The following SUGCT variants were observed in gnomAD, a reference collection of about 807,000 sequenced individuals.
SUGCT encodes the protein succinyl-CoA:glutarate CoA-transferase.
SUGCT carries 41 observed loss-of-function variants against 55.0 expected under a neutral mutation model. That is an observed-to-expected ratio of 0.74 (90% CI 0.58 to 0.97). SUGCT has a LOEUF of 0.97. SUGCT is among the 50% of genes least tolerant of loss of function. The pLI is 0.00. For missense variants in SUGCT, 568 were observed against 547.8 expected (o/e 1.04, Z -0.37); for synonymous variants, 187 against 200.4 (o/e 0.93, Z 0.56).
At chr7:40,739,591 G>C (rs866672535) in intron 12 of SUGCT, among the ~76,000 whole-genome samples, 2 of 151,922 alleles carry the variant, frequency 1.3e-5, no homozygotes, top group South Asian at 2.1e-4. Context: ...TTTACAATGT[G>C]AGCTTTATGT....
At chr7:40,567,124 C>T (rs374406067) in intron 12 of SUGCT, among the ~76,000 whole-genome samples, 3 of 152,130 alleles carry the variant, frequency 2.0e-5, no homozygotes, top group East Asian at 3.9e-4. Context: ...TTTGATCTGG[C>T]GTAATATATA....
intron 13 of SUGCT, among the ~76,000 whole-genome samples, chr7:40,789,844 A>G (rs1392763253): frequency 6.6e-6 from 1 of 152,152 alleles, no homozygotes; most frequent in Non-Finnish European, 1.5e-5. Context: ...CCTAAAACCC[A>G]GTGTGGTGAG....
chr7:40,821,399 T>A (rs1032497090), intron 13 of SUGCT, among the ~76,000 whole-genome samples: 2 of 152,106 alleles, frequency 1.3e-5, no homozygotes, highest in Non-Finnish European at 2.9e-5. Context: ...GGTCCTGGAC[T>A]TTTTTTGGTT....
At position 40,731,843 on chromosome 7, in the gene SUGCT, A is replaced by G. The variant is rs549791784; in HGVS notation, c.1090-17591A>G. Among the ~76,000 whole-genome samples the G allele has an allele frequency of 2.0e-5, 3 of 152,326 alleles. No individual in the cohort carries two copies. The South Asian group carries it at 6.2e-4, about 32-fold the overall frequency. On this transcript the variant is annotated intron_variant, in intron 12 of 13. Transcript: ENST00000335693. Reference sequence around the variant, plus strand: ...CCATCTAGTTGACTTCATCATGATTATGTGCTGCTCAAAATATTCCTTTCT... The same window carrying G: ...CCATCTAGTTGACTTCATCATGATTGTGTGCTGCTCAAAATATTCCTTTCT...
intron 9 of SUGCT, among the ~76,000 whole-genome samples, chr7:40,362,004 A>C (rs1408733565): frequency 1.3e-5 from 2 of 152,034 alleles, no homozygotes; most frequent in African/African-American, 2.4e-5. Flanking sequence ...AGGGGATCAC[A>C]ATATTTAAAT....
chr7:40,273,035 G>A (rs1349010601), intron 7 of SUGCT, among the ~76,000 whole-genome samples: 3 of 151,948 alleles, frequency 2.0e-5, no homozygotes, highest in Non-Finnish European at 4.4e-5. Context: ...TTGTTCAAGG[G>A]TCAATGTAAC....
intron 12 of SUGCT, among the ~76,000 whole-genome samples, chr7:40,559,476 A>G (rs1214076689): frequency 2.0e-5 from 3 of 152,228 alleles, no homozygotes; most frequent in African/African-American, 7.2e-5. Context: ...CAGTGGTTAC[A>G]ATTGTCCTAC....
At chr7:40,806,352 A>T (rs1276711110) in intron 13 of SUGCT, among the ~76,000 whole-genome samples, 3 of 152,236 alleles carry the variant, frequency 2.0e-5, no homozygotes, top group African/African-American at 7.2e-5. Context: ...TCATATTTAT[A>T]TGAATGTTTA....
rs373894613 is a variant in SUGCT, at chr7:40,629,918, G to A, written c.1090-119516G>A. On this transcript the variant is annotated intron_variant, in intron 12 of 13. Coordinates refer to ENST00000335693, the MANE Select transcript of SUGCT (RefSeq NM_001193313.2). ...GCAGAGTTGCAGTGAGAAGCTACAG[G>A]GTTTGAAAGGAGACATTCTAAATTT... Among the ~76,000 whole-genome samples, 5 of 152,086 alleles carry A rather than the reference G, an allele frequency of 3.3e-5. No homozygotes were observed. The East Asian group carries it at 9.7e-4, about 29-fold the overall frequency.
chr7:40,794,826 A>G (rs559122176), intron 13 of SUGCT, among the ~76,000 whole-genome samples: 1 of 152,286 alleles, frequency 6.6e-6, no homozygotes, highest in African/African-American at 2.4e-5. Flanking sequence ...TTAGTCCACC[A>G]TATTTCCATA....
intron 8 of SUGCT, among the ~76,000 whole-genome samples, chr7:40,282,320 T>G (rs191042453): frequency 6.6e-6 from 1 of 151,904 alleles, no homozygotes; most frequent in East Asian, 2.0e-4. Flanking sequence ...ATAAAAAAAT[T>G]AGCCGGGCAT....
At chr7:40,242,847 T>G (rs1789497573) in intron 7 of SUGCT, among the ~76,000 whole-genome samples, 3 of 141,764 alleles carry the variant, frequency 2.1e-5, no homozygotes, top group Admixed American at 7.5e-5. Flanking sequence ...GAACAGGCCC[T>G]TAGTAAACAA....
the SUGCT span, among the ~76,000 whole-genome samples, chr7:40,953,352 T>C: frequency 6.6e-6 from 1 of 152,174 alleles, no homozygotes; most frequent in East Asian, 1.9e-4. Context: ...TAGCCATTTG[T>C]CTCATCTTTT....
intron 1 of SUGCT, among the ~76,000 whole-genome samples, chr7:40,137,541 T>A (rs1035560644): frequency 6.6e-6 from 1 of 152,344 alleles, no homozygotes; most frequent in South Asian, 2.1e-4. Context: ...TAACTAAAGT[T>A]CACTAAAATT....
chr7:40,284,837 C>T (rs1165355333), intron 8 of SUGCT, among the ~76,000 whole-genome samples: 2 of 152,028 alleles, frequency 1.3e-5, no homozygotes, highest in African/African-American at 4.8e-5. Flanking sequence ...CAGATTTCTT[C>T]CAAAGAAGTA....
intron 12 of SUGCT, among the ~76,000 whole-genome samples, chr7:40,713,775 G>A (rs1385350494): frequency 1.3e-5 from 2 of 152,042 alleles, no homozygotes; most frequent in African/African-American, 4.8e-5. Flanking sequence ...AAAATTGTTT[G>A]GATTATTCCT....
chr7:40,484,482 C>A (rs368935073), intron 11 of SUGCT, among the ~76,000 whole-genome samples: 1 of 152,142 alleles, frequency 6.6e-6, no homozygotes, highest in Non-Finnish European at 1.5e-5. Flanking sequence ...TGCCAGTGGC[C>A]TAAGGGTGGT....
chr7:40,230,561 C>T (rs1167393318), intron 6 of SUGCT, among the ~76,000 whole-genome samples: 2 of 152,126 alleles, frequency 1.3e-5, no homozygotes, highest in Non-Finnish European at 2.9e-5. Context: ...TTGGGAATTA[C>T]TTGGCAGGTC....
chr7:40,881,873 C>G, the SUGCT span, among the ~76,000 whole-genome samples: 1 of 152,160 alleles, frequency 6.6e-6, no homozygotes, highest in Non-Finnish European at 1.5e-5. Context: ...TGGAAAAAGG[C>G]ATAATCTAAA....
Sources: allele counts gnomAD v4.1 joint callset (sites outside exome capture counted in the v4.1 genomes callset), GRCh38; gene constraint gnomAD v4.1.1; transcripts MANE v1.5; gene names NCBI Gene and HGNC (gene_info 2026-07-23, HGNC 2026-07-21).